Variants in SAP130 observed in about 807,000 individuals in gnomAD.
SAP130 encodes Sin3A associated protein 130, also known as histone deacetylase complex subunit SAP130.
SAP130 carries 16 observed loss-of-function variants against 103.2 expected under a neutral mutation model. The ratio of observed to expected loss-of-function variants is 0.16; its 90% CI spans 0.10 to 0.24. The LOEUF (loss-of-function observed/expected upper bound fraction) is 0.24, where lower values mean the gene tolerates loss of function less well. Among genes scored for constraint, SAP130 ranks in the 10% least tolerant of loss-of-function variants. The pLI, the probability that SAP130 is intolerant of heterozygous loss-of-function variation, is 1.00. For missense variants in SAP130, 990 were observed against 1,359.7 expected, an observed-to-expected ratio of 0.73 and a Z score of 4.28; for synonymous variants, 477 against 497.0, an observed-to-expected ratio of 0.96 and a Z score of 0.53.
In SAP130 at chr2:127,955,014, T is replaced by C. The variant is rs746200466; in HGVS notation, c.2394A>G (p.Glu798=). ...AAACTGGCCTCATGATATCCATTGG[T>C]TCTACTTCTTCTTTCACTTTAATTT... The part of the protein sequence containing the change: ...VPEIKVKEEV[E]PMDIMRPVSA... Residue 798 remains glutamate (E), a synonymous_variant, in exon 16 of 21, where the codon GAA becomes GAG. Coordinates refer to ENST00000643581, the MANE Select transcript of SAP130 (RefSeq NM_001330301.2). The surrounding 1 kb of genome is among the most constrained non-coding windows in gnomAD (Gnocchi z 4.9). The C allele has an allele frequency of 6.2e-7, 1 of 1,613,086 alleles. No individual in the cohort carries two copies. The highest frequency in any genetic ancestry group is 8.5e-7 in the Non-Finnish European group (1 of 1,179,362).
Position 127,992,014 on chromosome 2 carries a change from T to C in SAP130, c.1477+1173A>G, listed in dbSNP as rs932730342. 3.3e-5 allele frequency among the ~76,000 whole-genome samples: 5 copies of C among 152,086 alleles called. No individual in the cohort carries two copies. The East Asian group carries it at 5.8e-4, about 18-fold the overall frequency. ...TGAGACAGGCTCTCACTTTGTTACC[T>C]AGGCTGGAGTGCAGTGGCGCCATCA... On this transcript the variant is annotated intron_variant, in intron 12 of 20. Transcript: ENST00000643581.
rs186359351 is a variant in SAP130, at chr2:127,977,378, T to C, written c.2063+607A>G. On this transcript the variant is annotated intron_variant, in intron 15 of 20. Transcript: ENST00000643581. ...AGCCAGGTGTGGTGGCACATGCCTG[T>C]AATCCCAGCTACTCCGGTGGCCGAG... 9.7e-3 allele frequency among the ~76,000 whole-genome samples: 1,451 copies of C among 148,986 alleles called. 12 individuals carry two copies. The highest frequency in any genetic ancestry group is 0.016 in the Non-Finnish European group (1,082 of 67,596).
At chr2:128,011,744 C>G (rs1400956677) in intron 6 of SAP130, among the ~76,000 whole-genome samples, 2 of 152,210 alleles carry the variant, frequency 1.3e-5, no homozygotes, top group Non-Finnish European at 2.9e-5. Flanking sequence ...TTGTTTCATA[C>G]ATCTGTCTGT....
chr2:127,987,874 T>C (rs1682511406), intron 13 of SAP130, among the ~76,000 whole-genome samples: 1 of 152,190 alleles, frequency 6.6e-6, no homozygotes, highest in African/African-American at 2.4e-5. Flanking sequence ...AGCATCAAAA[T>C]ACTGGTGAGC....
intron 1 of SAP130, among the ~76,000 whole-genome samples, chr2:128,027,550 A>G (rs1426710623): frequency 6.6e-6 from 1 of 150,952 alleles, no homozygotes; most frequent in Non-Finnish European, 1.5e-5. Context: ...CCAGGGTCTG[A>G]AAGCGGCGGG....
chr2:127,964,950 G>GA (rs1244725684), intron 15 of SAP130, among the ~76,000 whole-genome samples: 3 of 146,400 alleles, frequency 2.0e-5, no homozygotes, highest in Non-Finnish European at 4.5e-5. Flanking sequence ...AGTGAGCCGA[G>GA]AACGCGCCAC....
In SAP130 at chr2:127,953,775, G is replaced by A. The variant is rs1679648644; in HGVS notation, c.2422+1211C>T. Among the ~76,000 whole-genome samples the A allele has an allele frequency of 6.6e-6, 1 of 152,066 alleles. No homozygotes were observed. The highest frequency in any genetic ancestry group is 2.4e-5 in the African/African-American group (1 of 41,392). On this transcript the variant is annotated intron_variant, in intron 16 of 20. Coordinates refer to ENST00000643581, the MANE Select transcript of SAP130 (RefSeq NM_001330301.2). The surrounding 1 kb of genome is among the most constrained non-coding windows in gnomAD (Gnocchi z 4.0). ...ACTCAATGGTCACTTCCTCAGTGAG[G>A]CTTTCTCCTAAAACTCTTTACACAC...
chr2:128,012,859 A>T (rs546616200), intron 6 of SAP130, among the ~76,000 whole-genome samples, 171 bp downstream of exon 6: 1 of 150,368 alleles, frequency 6.7e-6, no homozygotes, highest in African/African-American at 2.5e-5. Context: ...AAGGCTTCCC[A>T]CCATCTCTCC....
chr2:128,016,088 C>T (rs904855975), intron 4 of SAP130, among the ~76,000 whole-genome samples: 2 of 151,934 alleles, frequency 1.3e-5, no homozygotes, highest in Admixed American at 6.6e-5. Context: ...AAACACGAAC[C>T]GGACTCCGGA....
At chr2:127,947,275 T>C (rs1343707224) in intron 18 of SAP130, among the ~76,000 whole-genome samples, 1 of 152,206 alleles carries the variant, frequency 6.6e-6, no homozygotes, top group African/African-American at 2.4e-5. Flanking sequence ...TACTGTTTTA[T>C]GCCACCCAGT....
intron 15 of SAP130, among the ~76,000 whole-genome samples, chr2:127,976,274 T>C (rs1681454415): frequency 6.6e-6 from 1 of 152,262 alleles, no homozygotes; most frequent in Non-Finnish European, 1.5e-5. Context: ...TATTCCTTCA[T>C]ACTCTTCTCA....
At chr2:128,009,242 C>T (rs1438720568) in intron 7 of SAP130, among the ~76,000 whole-genome samples, 2 of 151,912 alleles carry the variant, frequency 1.3e-5, no homozygotes, top group African/African-American at 4.8e-5. Context: ...TAGGGCGATG[C>T]GAGGATCACT....
At chr2:128,019,255 A>C (rs914059185) in intron 2 of SAP130, among the ~76,000 whole-genome samples, 3 of 151,298 alleles carry the variant, frequency 2.0e-5, no homozygotes, top group African/African-American at 7.3e-5. Context: ...TCTATTTAAA[A>C]ATTTTTTTTA....
chr2:128,016,006 C>A (rs954570761), intron 4 of SAP130, among the ~76,000 whole-genome samples: 1 of 151,650 alleles, frequency 6.6e-6, no homozygotes, highest in Non-Finnish European at 1.5e-5. Flanking sequence ...AAGAGATGCA[C>A]ATCTGCTCTC....
At chr2:128,006,195 C>G (rs1683966158) in intron 7 of SAP130, among the ~76,000 whole-genome samples, 1 of 151,830 alleles carries the variant, frequency 6.6e-6, no homozygotes, top group East Asian at 1.9e-4. Context: ...ACTCAATCAG[C>G]CAAACTATTG....
intron 15 of SAP130, among the ~76,000 whole-genome samples, chr2:127,977,713 G>C (rs914038816): frequency 6.6e-6 from 1 of 152,130 alleles, no homozygotes; most frequent in Non-Finnish European, 1.5e-5. Flanking sequence ...AATGCGTTCA[G>C]GTCATGCAGC....
At chr2:127,988,387 G>A (rs1218512323) in intron 13 of SAP130, among the ~76,000 whole-genome samples, 1 of 146,730 alleles carries the variant, frequency 6.8e-6, no homozygotes, top group Non-Finnish European at 1.5e-5. Flanking sequence ...TTGTACCACT[G>A]TGTTCCAGCT....
intron 15 of SAP130, among the ~76,000 whole-genome samples, chr2:127,957,890 AAG>A (rs1230243836): frequency 2.0e-5 from 3 of 152,168 alleles, no homozygotes; most frequent in Admixed American, 6.6e-5. Context: ...CCTGACAAAT[AAG>A]AGTTTCCCCA....
chr2:128,007,171 A>G (rs1455473818), intron 7 of SAP130, among the ~76,000 whole-genome samples: 1 of 152,244 alleles, frequency 6.6e-6, no homozygotes, highest in East Asian at 1.9e-4. Context: ...TGCCACATCT[A>G]TGGATTCAAC....
Sources: gnomAD v4.1 joint callset for allele counts (sites outside exome capture counted in the v4.1 genomes callset) on GRCh38, gnomAD v4.1.1 for gene constraint, Gnocchi (gnomAD v3.1) non-coding constraint, MANE v1.5 for transcripts, NCBI Gene and HGNC (gene_info 2026-07-23, HGNC 2026-07-21) for gene names.